Variants in HPN observed in about 807,000 individuals in gnomAD.
HPN encodes hepsin, also known as serine protease hepsin.
A neutral mutation model predicts 55.9 loss-of-function variants in HPN; 13 were observed. That is an observed-to-expected ratio of 0.23 (90% CI 0.15 to 0.37). HPN has a LOEUF of 0.37. Ranked by LOEUF, HPN falls within the 10% of genes least tolerant of loss-of-function variation. The pLI is 1.00. For synonymous variants in HPN, 225 were observed against 240.3 expected (o/e 0.94, Z 0.59); for missense variants, 451 against 575.8 (o/e 0.78, Z 2.22).
upstream of HPN, chr19:35,041,688 T>TGCCCCCC: frequency 1.6e-6 from 1 of 638,114 alleles, no homozygotes; most frequent in Non-Finnish European, 2.0e-6. Context: ...CCCCGCCCCT[T>TGCCCCCC]CACCCGCCCC....
chr19:35,043,114 G>A (rs12463226), intron 2 of HPN, among the ~76,000 whole-genome samples: 32 of 152,282 alleles, frequency 2.1e-4, no homozygotes, highest in Admixed American at 2.0e-3. Flanking sequence ...AGAGACCCAG[G>A]ACCCCCACCG....
At chr19:35,045,313 A>C (rs1006740439) in intron 2 of HPN, among the ~76,000 whole-genome samples, 27 of 152,148 alleles carry the variant, frequency 1.8e-4, no homozygotes, top group African/African-American at 6.0e-4. Flanking sequence ...CAGCAGCCTC[A>C]GAGGCGGGAA....
chr19:35,043,261 G>A (rs1600375547), intron 2 of HPN, among the ~76,000 whole-genome samples: 1 of 152,326 alleles, frequency 6.6e-6, no homozygotes, highest in Middle Eastern at 3.4e-3. Context: ...ACTGCGTCAT[G>A]GAGTTGCTGG....
chr19:35,049,547 G>T, intron 4 of HPN, 31 bp downstream of exon 4: 2 of 1,577,218 alleles, frequency 1.3e-6, no homozygotes, highest in African/African-American at 1.3e-5. Flanking sequence ...CCCTCTGGGG[G>T]AGCCCTGGAG....
In HPN at chr19:35,041,819, T is replaced by G; in HGVS notation, c.-108T>G. 2 of 1,341,400 alleles carry G rather than the reference T, an allele frequency of 1.5e-6. No individual in the cohort carries two copies. Among genetic ancestry groups the G allele is most frequent in the Non-Finnish European group, 2.0e-6 (2 of 1,017,368 alleles). 83.1% of individuals were successfully genotyped at this position (1,341,400 alleles called of 1,614,324 possible). On this transcript the variant is annotated 5_prime_UTR_variant, in exon 1 of 13. It removes the in-frame stop codon of an upstream open reading frame in the 5' UTR. Coordinates refer to ENST00000672452, the MANE Select transcript of HPN (RefSeq NM_001384133.1). ...CATGCTCCTGCCCAGGCCTGGAGAC[T>G]GACCCGACCCCGGCACTACCTCGAG...
chr19:35,057,860 A>G (rs1358137760), intron 4 of HPN, among the ~76,000 whole-genome samples: 1 of 152,174 alleles, frequency 6.6e-6, no homozygotes, highest in East Asian at 1.9e-4. Context: ...AAATAAATAC[A>G]TATTTTAAGG....
chr19:35,048,835 T>C (rs2064373698), intron 2 of HPN, among the ~76,000 whole-genome samples: 1 of 152,054 alleles, frequency 6.6e-6, no homozygotes, highest in South Asian at 2.1e-4. Context: ...TTAGGGGGTA[T>C]CTAGGGGCAA....
chr19:35,042,737 C>T (rs998991364), intron 2 of HPN, among the ~76,000 whole-genome samples: 9 of 152,148 alleles, frequency 5.9e-5, no homozygotes, highest in Admixed American at 5.2e-4. Flanking sequence ...CCTATGTGAC[C>T]TTCCTGGCGT....
intron 4 of HPN, among the ~76,000 whole-genome samples, chr19:35,053,806 G>T (rs1426991396): frequency 6.6e-6 from 1 of 151,412 alleles, no homozygotes; most frequent in Middle Eastern, 3.2e-3. Flanking sequence ...GCCCCAGTTG[G>T]TGTTTCAAAC....
upstream of HPN, among the ~76,000 whole-genome samples, chr19:35,040,752 G>A (rs570368591): frequency 7.9e-5 from 12 of 152,272 alleles, no homozygotes; most frequent in Admixed American, 7.8e-4. Flanking sequence ...GAGAAGGAGA[G>A]GGAAGGAGAG....
At chr19:35,061,227 G>A (rs2064528388) in intron 9 of HPN, among the ~76,000 whole-genome samples, 1 of 152,218 alleles carries the variant, frequency 6.6e-6, no homozygotes, top group East Asian at 1.9e-4. Flanking sequence ...ACCGGGCGCG[G>A]TGGCTCATGC....
chr19:35,047,762 C>T (rs1451345962), intron 2 of HPN, among the ~76,000 whole-genome samples: 1 of 151,864 alleles, frequency 6.6e-6, no homozygotes, highest in East Asian at 1.9e-4. Flanking sequence ...GTTTGGGAGG[C>T]TGAGACAAGC....
chr19:35,055,253 AG>A (rs1390324170), intron 4 of HPN, among the ~76,000 whole-genome samples: 1 of 152,112 alleles, frequency 6.6e-6, no homozygotes, highest in Non-Finnish European at 1.5e-5. Flanking sequence ...ACAAATTAGC[AG>A]GGTGTGGTGG....
At chr19:35,041,149 C>G (rs374888278), upstream of HPN, among the ~76,000 whole-genome samples, 11 of 152,352 alleles carry the variant, frequency 7.2e-5, no homozygotes, top group African/African-American at 2.4e-4. Flanking sequence ...CCCCATCCCC[C>G]CTATCTAGTG....
intron 4 of HPN, among the ~76,000 whole-genome samples, chr19:35,054,759 C>T (rs2151760780): frequency 6.6e-6 from 1 of 152,236 alleles, no homozygotes; most frequent in South Asian, 2.1e-4. Flanking sequence ...CTTCGTGGCT[C>T]CTGGGGTGTG....
upstream of HPN, chr19:35,041,672 G>GGCCC: frequency 8.8e-7 from 1 of 1,130,684 alleles, no homozygotes; most frequent in Non-Finnish European, 1.1e-6. Context: ...GAATGGTCCG[G>GGCCC]CCCCTCCCCG....
At chr19:35,060,323 C>T in intron 7 of HPN, 24 bp from the exon 8 acceptor site, 1 of 1,609,652 alleles carries the variant, frequency 6.2e-7, no homozygotes, top group South Asian at 1.1e-5. Context: ...CTGTCGCCGC[C>T]CCCTGCTGAC....
chr19:35,059,751 G>A lies in HPN; in HGVS notation c.239G>A (p.Arg80His). 6.3e-7 allele frequency: 1 copy of A among 1,591,240 alleles called. No homozygotes were observed. Among genetic ancestry groups the A allele is most frequent in the Non-Finnish European group, 8.5e-7 (1 of 1,169,762 alleles). Residue 80 changes from arginine (R) to histidine (H), a missense_variant, in exon 5 of 13, where the codon CGC (arginine) becomes CAC (histidine). Physicochemically the swap from Arg to His is conservative, Grantham distance 29. Around this residue, in one of 2 missense-constraint regions of HPN, gnomAD observed 378 missense variants for 445.5 expected, o/e 0.85. Coordinates refer to ENST00000672452, the MANE Select transcript of HPN (RefSeq NM_001384133.1). ...EGTWRLLCSS[R>H]SNARVAGLSC... ...ACGTGGCGGCTGCTGTGCTCCTCGC[G>A]CTCCAACGCCAGGGTAGCCGGACTC...
At position 35,049,294 on chromosome 19, in the gene HPN, C is replaced by T. The variant is rs1199072285; in HGVS notation, c.21C>T (p.Gly7=). ...CCAGCATGGTGTCTGTTGCAGGTGG[C>T]CGGACTGTGCCATGCTGCTCCAGAC... MAQKEG[G]RTVPCCSRPK... is the part of the protein sequence containing the mutation. Residue 7 remains glycine, a synonymous_variant, in exon 3 of 13, where the codon GGC becomes GGT. Coordinates refer to ENST00000672452, the MANE Select transcript of HPN (RefSeq NM_001384133.1). The T allele has an allele frequency of 6.5e-7, 1 of 1,545,892 alleles. No individual in the cohort carries two copies. The highest frequency in any genetic ancestry group is 8.7e-7 in the Non-Finnish European group (1 of 1,143,108).
Sources: allele counts gnomAD v4.1 joint callset (sites outside exome capture counted in the v4.1 genomes callset), GRCh38; gene constraint gnomAD v4.1.1; regional missense constraint gnomAD v4.1.1; transcripts MANE v1.5; gene names NCBI Gene and HGNC (gene_info 2026-07-23, HGNC 2026-07-21).